The following GPA33 variants were observed in gnomAD, a reference collection of about 807,000 sequenced individuals.
GPA33 encodes cell surface A33 antigen.
In GPA33, 27 loss-of-function variants were observed where a neutral mutation model predicts 35.6. The observed-to-expected ratio is 0.76, with a 90% CI of 0.56 to 1.04. The LOEUF (loss-of-function observed/expected upper bound fraction) is 1.04, where lower values mean the gene tolerates loss of function less well. GPA33 is among the 50% of genes least tolerant of loss of function. The pLI is 0.00. For missense variants in GPA33, 428 were observed against 411.9 expected, an observed-to-expected ratio of 1.04 and a Z score of -0.34; for synonymous variants, 176 against 164.0, an observed-to-expected ratio of 1.07 and a Z score of -0.56.
intron 3 of GPA33, among the ~76,000 whole-genome samples, chr1:167,067,397 C>T (rs979514780): frequency 1.3e-5 from 2 of 152,080 alleles, no homozygotes; most frequent in Non-Finnish European, 2.9e-5. Context: ...CTACCGCACC[C>T]GACCCTTCTT....
At chr1:167,087,414 A>G (rs1339442250) in intron 1 of GPA33, among the ~76,000 whole-genome samples, 4 of 152,098 alleles carry the variant, frequency 2.6e-5, no homozygotes, top group Non-Finnish European at 5.9e-5. Flanking sequence ...TGAATTTTAC[A>G]CCCCTCCATT....
chr1:167,067,423 A>T (rs944643418), intron 3 of GPA33, among the ~76,000 whole-genome samples: 4 of 152,166 alleles, frequency 2.6e-5, no homozygotes, highest in African/African-American at 9.7e-5. Context: ...TTAAAAAAGT[A>T]AAACATTGGT....
intron 1 of GPA33, among the ~76,000 whole-genome samples, chr1:167,083,115 T>C (rs1666984252): frequency 6.6e-6 from 1 of 152,104 alleles, no homozygotes; most frequent in Non-Finnish European, 1.5e-5. Flanking sequence ...ATACTGAAAC[T>C]TCCACCATTG....
intron 4 of GPA33, among the ~76,000 whole-genome samples, chr1:167,061,935 C>T (rs1321171379): frequency 1.3e-5 from 2 of 152,026 alleles, no homozygotes; most frequent in African/African-American, 4.8e-5. Flanking sequence ...GGATTGAGTG[C>T]ACCCCCAATG....
At chr1:167,067,727 A>G (rs1666630579) in intron 3 of GPA33, among the ~76,000 whole-genome samples, 1 of 152,236 alleles carries the variant, frequency 6.6e-6, no homozygotes, top group African/African-American at 2.4e-5. Context: ...GTGTGATGGA[A>G]TGTATGCTGT....
intron 6 of GPA33, 24 bp downstream of exon 6, chr1:167,054,952 C>A (rs766905165): frequency 6.8e-6 from 11 of 1,613,730 alleles, no homozygotes; most frequent in South Asian, 2.2e-5. Context: ...ACCCTTCCAA[C>A]AGGCTACCAG....
chr1:167,073,575 G>C, intron 1 of GPA33, 36 bp from the exon 2 acceptor site: 1 of 1,591,948 alleles, frequency 6.3e-7, no homozygotes, highest in Non-Finnish European at 8.6e-7. Context: ...GGAAAAGTAA[G>C]CGACACGGAC....
chr1:167,086,494 C>T (rs552530364), intron 1 of GPA33, among the ~76,000 whole-genome samples: 5 of 152,340 alleles, frequency 3.3e-5, no homozygotes, highest in South Asian at 2.1e-4. Context: ...GATAGGCCAT[C>T]GTGATAGGGC....
At chr1:167,056,701 G>GCGAGTGTGA (rs1666284450) in intron 4 of GPA33, among the ~76,000 whole-genome samples, 3 of 2,998 alleles carry the variant, frequency 1.0e-3, no homozygotes, top group African/African-American at 2.1e-3. Flanking sequence ...TGGGTGTGTG[G>GCGAGTGTGA]TGTGTGTAGT....
intron 4 of GPA33, chr1:167,058,581 T>G (rs187898414): frequency 2.6e-5 from 4 of 152,332 alleles, no homozygotes; most frequent in African/African-American, 9.6e-5. Flanking sequence ...GTCTTTTCAC[T>G]TGTACTTTCT....
At chr1:167,073,045 C>T (rs1156674771) in intron 2 of GPA33, among the ~76,000 whole-genome samples, 2 of 151,688 alleles carry the variant, frequency 1.3e-5, no homozygotes, top group East Asian at 3.9e-4. Context: ...TCCACACTTC[C>T]CAAAAGAATC....
chr1:167,076,276 G>C (rs184855588), intron 1 of GPA33, among the ~76,000 whole-genome samples: 3 of 152,174 alleles, frequency 2.0e-5, no homozygotes, highest in African/African-American at 7.2e-5. Flanking sequence ...TGGGGGTACG[G>C]TGTTATGGGA....
At chr1:167,082,738 T>A (rs1227727381) in intron 1 of GPA33, among the ~76,000 whole-genome samples, 3 of 152,092 alleles carry the variant, frequency 2.0e-5, no homozygotes, top group Admixed American at 2.0e-4. Context: ...AGATATACGT[T>A]TTATGCTCCT....
chr1:167,057,595 C>T (rs4657625), intron 4 of GPA33, among the ~76,000 whole-genome samples: 67,700 of 152,050 alleles, frequency 0.45, 15,447 homozygotes, highest in South Asian at 0.6. Flanking sequence ...ACCAGCTTTG[C>T]CTCTTGCCAC....
chr1:167,087,386 C>T (rs767333107), intron 1 of GPA33, among the ~76,000 whole-genome samples: 5 of 152,166 alleles, frequency 3.3e-5, no homozygotes, highest in African/African-American at 4.8e-5. Context: ...CCTATAATAG[C>T]CCTGTTGGGG....
intron 4 of GPA33, among the ~76,000 whole-genome samples, chr1:167,059,386 T>C (rs1485835886): frequency 6.6e-6 from 1 of 152,188 alleles, no homozygotes; most frequent in Non-Finnish European, 1.5e-5. Flanking sequence ...CACCTTCCTC[T>C]GCTCCAGCTG....
intron 4 of GPA33, among the ~76,000 whole-genome samples, chr1:167,062,389 T>A (rs905128899): frequency 3.3e-5 from 5 of 151,688 alleles, no homozygotes; most frequent in East Asian, 1.9e-4. Context: ...GCTAATTTTT[T>A]AAAAATTTTG....
At chr1:167,062,180 A>AT (rs968268472) in intron 4 of GPA33, among the ~76,000 whole-genome samples, 24 of 150,728 alleles carry the variant, frequency 1.6e-4, no homozygotes, top group Non-Finnish European at 3.0e-4. Context: ...TATTTATTTT[A>AT]TTTTATTTTA....
chr1:167,088,527 G>T (rs1667098208), intron 1 of GPA33, among the ~76,000 whole-genome samples: 1 of 152,170 alleles, frequency 6.6e-6, no homozygotes, highest in Non-Finnish European at 1.5e-5. Context: ...GAGGGATGGG[G>T]CGGAGGTAGA....
Sources: allele counts gnomAD v4.1 joint callset (sites outside exome capture counted in the v4.1 genomes callset), GRCh38; gene constraint gnomAD v4.1.1; transcripts MANE v1.5; gene names NCBI Gene and HGNC (gene_info 2026-07-23, HGNC 2026-07-21).